Variants in MLLT3 observed in about 807,000 individuals in gnomAD.
MLLT3 encodes the protein protein AF-9.
Under a neutral mutation model 53.2 loss-of-function variants are expected in MLLT3, and 4 were observed. The ratio of observed to expected loss-of-function variants is 0.08; its 90% CI spans 0.04 to 0.17. The LOEUF (loss-of-function observed/expected upper bound fraction) is 0.17. Ranked by LOEUF, MLLT3 falls within the 10% of genes least tolerant of loss-of-function variation. MLLT3 has a pLI of 1.00. For missense variants in MLLT3, 569 were observed against 684.0 expected (o/e 0.83, Z 1.87); for synonymous variants, 283 against 230.6 (o/e 1.23, Z -2.06).
intron 2 of MLLT3, among the ~76,000 whole-genome samples, chr9:20,496,029 T>C (rs370292672): frequency 6.6e-6 from 1 of 152,176 alleles, no homozygotes; most frequent in Non-Finnish European, 1.5e-5. Flanking sequence ...GAACTTTCCA[T>C]AGGTTTGCCC....
rs763981603 is a variant in MLLT3, at chr9:20,344,966, G to A, written c.*1477C>T. 8 of 215,450 alleles carry A rather than the reference G, an allele frequency of 3.7e-5. No individual in the cohort carries two copies. The highest frequency in any genetic ancestry group is 1.4e-4 in the East Asian group (2 of 14,510). 13.3% of individuals were successfully genotyped at this position (215,450 alleles called of 1,614,324 possible). On this transcript the variant is annotated 3_prime_UTR_variant, in exon 11 of 11. Transcript: ENST00000380338. Reference sequence around the variant, plus strand: ...GTATTTCTTCATTTCTCTTCTTTTCGGCTGAATTTCTAGTAAAAACTTTGA... The same window carrying A: ...GTATTTCTTCATTTCTCTTCTTTTCAGCTGAATTTCTAGTAAAAACTTTGA...
chr9:20,355,260 G>T (rs912705031), intron 8 of MLLT3, among the ~76,000 whole-genome samples: 2 of 152,088 alleles, frequency 1.3e-5, no homozygotes, highest in Non-Finnish European at 2.9e-5. Context: ...TATTCATTCT[G>T]CTGTTTCAGC....
chr9:20,549,158 T>A (rs1014627785), intron 2 of MLLT3, among the ~76,000 whole-genome samples: 1 of 152,116 alleles, frequency 6.6e-6, no homozygotes, highest in African/African-American at 2.4e-5. Context: ...AAATGAGGCA[T>A]TAGGAATAGT....
At position 20,342,767 on chromosome 9, in the gene MLLT3, T is replaced by A; in HGVS notation, c.*3676A>T. 5.2e-6 allele frequency: 1 copy of A among 192,484 alleles called. No individual in the cohort carries two copies. Among genetic ancestry groups the A allele is most frequent in the Middle Eastern group, 1.9e-3 (1 of 536 alleles). The allele number at this position is 192,484 out of a possible 1,614,324, so 11.9% of individuals were successfully genotyped here. A position where few individuals can be genotyped will look rare whatever the true frequency, so the allele number is the denominator to read the frequency against. On this transcript the variant is annotated 3_prime_UTR_variant, in exon 11 of 11. Coordinates refer to ENST00000380338, the MANE Select transcript of MLLT3 (RefSeq NM_004529.4). The stretch of plus-strand genomic sequence containing the variant: ...TTAACATTCACTGCAGCTGTAGTAG[T>A]CTCTACATCATATTCATAGTTTTAG...
intron 2 of MLLT3, among the ~76,000 whole-genome samples, chr9:20,498,220 G>A (rs1825126374): frequency 1.1e-5 from 1 of 87,044 alleles, no homozygotes; most frequent in Non-Finnish European, 2.1e-5. Context: ...AGAGCGAGAC[G>A]CTGTCTCAAA....
At chr9:20,550,297 G>A (rs1466025212) in intron 2 of MLLT3, among the ~76,000 whole-genome samples, 2 of 152,198 alleles carry the variant, frequency 1.3e-5, no homozygotes, top group Admixed American at 1.3e-4. Context: ...TAAGGACCCA[G>A]ATACACAGCC....
chr9:20,485,751 T>C (rs980956291), intron 2 of MLLT3, among the ~76,000 whole-genome samples: 1 of 151,834 alleles, frequency 6.6e-6, no homozygotes, highest in African/African-American at 2.4e-5. Context: ...CACACGTGTG[T>C]GTGTGTGTGT....
At chr9:20,520,357 T>TA (rs562578937) in intron 2 of MLLT3, among the ~76,000 whole-genome samples, 41 of 144,334 alleles carry the variant, frequency 2.8e-4, no homozygotes, top group Middle Eastern at 3.5e-3. Context: ...AAAGTCAAAT[T>TA]AAAAAAAAAA....
At chr9:20,481,652 C>G (rs751122985) in intron 2 of MLLT3, among the ~76,000 whole-genome samples, 1 of 152,160 alleles carries the variant, frequency 6.6e-6, no homozygotes, top group Non-Finnish European at 1.5e-5. Flanking sequence ...TGTACATCCC[C>G]TTGCTCTGCT....
chr9:20,360,031 CA>C (rs1349640467), intron 8 of MLLT3, among the ~76,000 whole-genome samples: 2 of 152,088 alleles, frequency 1.3e-5, no homozygotes, highest in Non-Finnish European at 2.9e-5. Context: ...AGATCTTATC[CA>C]AATAGTTATA....
chr9:20,564,583 G>C (rs973852121), intron 2 of MLLT3, among the ~76,000 whole-genome samples: 2 of 152,168 alleles, frequency 1.3e-5, no homozygotes, highest in Admixed American at 1.3e-4. Context: ...GCTAGCTATA[G>C]TCTCAGGTCC....
intron 2 of MLLT3, among the ~76,000 whole-genome samples, chr9:20,604,754 C>T (rs1236104605): frequency 6.6e-6 from 1 of 152,078 alleles, no homozygotes; most frequent in African/African-American, 2.4e-5. Flanking sequence ...CAGCACTGGT[C>T]TTTAGTAACC....
At chr9:20,493,717 T>C (rs1825009878) in intron 2 of MLLT3, among the ~76,000 whole-genome samples, 1 of 152,008 alleles carries the variant, frequency 6.6e-6, no homozygotes. Context: ...ACATGAGAAA[T>C]ACCTTATGTT....
chr9:20,523,431 T>C (rs1439313926), intron 2 of MLLT3, among the ~76,000 whole-genome samples: 2 of 152,242 alleles, frequency 1.3e-5, no homozygotes, highest in East Asian at 3.8e-4. Context: ...GATGTTTATA[T>C]CAGCTTTATT....
intron 2 of MLLT3, among the ~76,000 whole-genome samples, chr9:20,521,405 T>C (rs1818053682): frequency 6.6e-6 from 1 of 152,070 alleles, no homozygotes; most frequent in African/African-American, 2.4e-5. Flanking sequence ...CAATTGAGAA[T>C]TTGTTCCTCA....
Position 20,620,995 on chromosome 9 carries a change from C to A in MLLT3, c.13-161G>T. The A allele has an allele frequency of 1.1e-6, 1 of 885,794 alleles. No homozygotes were observed. Among genetic ancestry groups the A allele is most frequent in the South Asian group, 1.4e-5 (1 of 70,534 alleles). 54.9% of individuals were successfully genotyped at this position (885,794 alleles called of 1,614,324 possible). A position where few individuals can be genotyped will look rare whatever the true frequency, so the allele number is the denominator to read the frequency against. ...TTTCACGCGCGTGGGCGCGCACACT[C>A]CACACCCCCAAATATACCCGCCCGC... On this transcript the variant is annotated intron_variant, in intron 1 of 10. Transcript: ENST00000380338. The surrounding 1 kb of genome is among the most constrained non-coding windows in gnomAD (Gnocchi z 6.1).
At chr9:20,518,120 C>T (rs899418928) in intron 2 of MLLT3, among the ~76,000 whole-genome samples, 2 of 151,992 alleles carry the variant, frequency 1.3e-5, no homozygotes, top group East Asian at 3.9e-4. Flanking sequence ...CAGAGGCAGG[C>T]GGATCACCTG....
chr9:20,580,513 T>C (rs1819764332), intron 2 of MLLT3, among the ~76,000 whole-genome samples: 1 of 152,162 alleles, frequency 6.6e-6, no homozygotes, highest in Non-Finnish European at 1.5e-5. Context: ...TCTTAGACTC[T>C]CTTGGACAGT....
chr9:20,561,539 G>C (rs1587070967), intron 2 of MLLT3, among the ~76,000 whole-genome samples: 1 of 152,086 alleles, frequency 6.6e-6, no homozygotes, highest in Non-Finnish European at 1.5e-5. Context: ...CATTCCAGTT[G>C]ACAATCTGTG....
Sources: gnomAD v4.1 joint callset for allele counts (sites outside exome capture counted in the v4.1 genomes callset) on GRCh38, gnomAD v4.1.1 for gene constraint, Gnocchi (gnomAD v3.1) non-coding constraint, MANE v1.5 for transcripts, NCBI Gene and HGNC (gene_info 2026-07-23, HGNC 2026-07-21) for gene names.